CUL9: variants seen among roughly 807,000 people sequenced by gnomAD.
CUL9 encodes the protein cullin-9.
In CUL9, 79 loss-of-function variants were observed where a neutral mutation model predicts 272.6. The ratio of observed to expected loss-of-function variants is 0.29; its 90% CI spans 0.24 to 0.35. CUL9 has a LOEUF of 0.35. CUL9 is among the 10% of genes least tolerant of loss of function. The pLI, the probability that CUL9 is intolerant of heterozygous loss-of-function variation, is 1.00. For missense variants in CUL9, 2,532 were observed against 3,255.6 expected (o/e 0.78, Z 5.41); for synonymous variants, 1,186 against 1,286.5 (o/e 0.92, Z 1.67).
At chr6:43,207,085 C>T (rs1398928952) in intron 26 of CUL9, among the ~76,000 whole-genome samples, 3 of 152,096 alleles carry the variant, frequency 2.0e-5, no homozygotes, top group Non-Finnish European at 4.4e-5. Context: ...CTCAGGTGAT[C>T]CACCCGCCTC....
At chr6:43,207,681 T>C (rs1775156442) in intron 26 of CUL9, among the ~76,000 whole-genome samples, 1 of 152,188 alleles carries the variant, frequency 6.6e-6, no homozygotes, top group South Asian at 2.1e-4. Flanking sequence ...TTTCTTTGTT[T>C]AATTTTTTTT....
In CUL9 at chr6:43,196,877, G is replaced by A. The variant is rs762154904; in HGVS notation, c.2803+15G>A. On this transcript the variant is annotated intron_variant, in intron 11 of 40. Coordinates refer to ENST00000252050, the MANE Select transcript of CUL9 (RefSeq NM_015089.4). ...TGAGCGTGCAGGTACCATTGTGGAG[G>A]GGTGGTTTTGCAGAGGAATCACACA... 2 of 1,609,322 alleles carry A rather than the reference G, an allele frequency of 1.2e-6. No homozygotes were observed. The highest frequency in any genetic ancestry group is 4.5e-5 in the East Asian group (2 of 44,838).
intron 9 of CUL9, among the ~76,000 whole-genome samples, chr6:43,195,155 A>G (rs571271857): frequency 6.6e-6 from 1 of 152,304 alleles, no homozygotes; most frequent in Non-Finnish European, 1.5e-5. Flanking sequence ...TACAGGGAGA[A>G]AGCTTCATTG....
chr6:43,224,305 G>A lies in CUL9; in HGVS notation c.7414G>A (p.Asp2472Asn). 2.5e-6 allele frequency: 4 copies of A among 1,614,216 alleles called. No individual in the cohort carries two copies. The highest frequency in any genetic ancestry group is 3.4e-6 in the Non-Finnish European group (4 of 1,180,046). Residue 2472 changes from aspartate (D) to asparagine (N), a missense_variant, in exon 41 of 41, where the codon GAT (aspartate) becomes AAT (asparagine). Coordinates refer to ENST00000252050, the MANE Select transcript of CUL9 (RefSeq NM_015089.4). The surrounding 1 kb of genome is among the most constrained non-coding windows in gnomAD (Gnocchi z 4.2). ...AGAGGAGGAGGAAGACGATGAGGATGATGTGCCCGAGTGGCAGCAGGATGA... is the reference window on the plus strand; with the variant it reads ...AGAGGAGGAGGAAGACGATGAGGATAATGTGCCCGAGTGGCAGCAGGATGA... ...AEEEEEDDED[D>N]VPEWQQDEFD... is the part of the protein sequence containing the mutation.
At position 43,213,948 on chromosome 6, in the gene CUL9, AG is replaced by A. The variant is rs781218287; in HGVS notation, c.5688+39del. 4.1e-5 allele frequency: 66 copies of A among 1,606,668 alleles called. No individual in the cohort carries two copies. In the Middle Eastern group the frequency reaches 1.8e-3, roughly 44 times the overall value. On this transcript the variant is annotated intron_variant, in intron 29 of 40. Coordinates refer to ENST00000252050, the MANE Select transcript of CUL9 (RefSeq NM_015089.4). The surrounding 1 kb of genome is among the most constrained non-coding windows in gnomAD (Gnocchi z 5.7). ...AGGGGACCATGAAGTTGGCGGAGGG[AG>A]GGAGTCATGCTTGGGATTGGGGATG...
chr6:43,196,218 G>GCTC lies in CUL9; in HGVS notation c.2542_2544dup (p.Leu848dup), dbSNP rs768116183. ...CCACACGCCCGGGCTCTGAGAGCCT[G>GCTC]CTCCTCACTGTCCCTGCAGCCGTGA... is the stretch of plus-strand genomic sequence containing the variant. On this transcript the variant is annotated inframe_insertion, in exon 10 of 41. Transcript: ENST00000252050. 2.2e-5 allele frequency: 36 copies of GCTC among 1,614,010 alleles called. No homozygotes were observed. The highest frequency in any genetic ancestry group is 2.9e-5 in the Non-Finnish European group (34 of 1,180,054).
rs185589768 is a variant in CUL9, at chr6:43,197,056, T to C, written c.2803+194T>C. 1.2e-4 allele frequency among the ~76,000 whole-genome samples: 19 copies of C among 152,314 alleles called. No homozygotes were observed. In the East Asian group the frequency reaches 2.5e-3, roughly 20 times the overall value. On this transcript the variant is annotated intron_variant, in intron 11 of 40. Coordinates refer to ENST00000252050, the MANE Select transcript of CUL9 (RefSeq NM_015089.4). The stretch of plus-strand genomic sequence containing the variant: ...ATATGTGCAAGGAAATTGCATTTTT[T>C]TTTTTTTGAGATGGAGTTTTGCTCT...
chr6:43,221,185 A>G lies in CUL9; in HGVS notation c.6616A>G (p.Met2206Val). The change falls in exon 34 of 41, where the codon ATG becomes GTG. Residue 2206 changes from methionine (M) to valine (V), a missense_variant. Met to Val is a conservative substitution (Grantham distance 21). This residue lies in a region of CUL9 where 77 missense variants were observed against 161.1 expected (regional missense o/e 0.48). Coordinates refer to ENST00000252050, the MANE Select transcript of CUL9 (RefSeq NM_015089.4). The surrounding 1 kb of genome is among the most constrained non-coding windows in gnomAD (Gnocchi z 4.2). ...EAHYPASCGH[M>V]SQWVDDGGYY... ...ACACTACCCTGCTAGCTGTGGCCAT[A>G]TGTCTCAGTGGGTCGACGACGGTGG... 1.9e-6 allele frequency: 3 copies of G among 1,611,482 alleles called. No individual in the cohort carries two copies. Among genetic ancestry groups the G allele is most frequent in the Non-Finnish European group, 2.5e-6 (3 of 1,179,948 alleles).
At chr6:43,191,481 ATTTT>A (rs34090146) in intron 8 of CUL9, among the ~76,000 whole-genome samples, 4 of 97,448 alleles carry the variant, frequency 4.1e-5, no homozygotes, top group Admixed American at 1.1e-4. Flanking sequence ...CACCCAGCTA[ATTTT>A]TTTTTTTTTT....
chr6:43,212,267 G>A (rs1562051954), intron 26 of CUL9, among the ~76,000 whole-genome samples: 1 of 152,188 alleles, frequency 6.6e-6, no homozygotes, highest in Non-Finnish European at 1.5e-5. Context: ...ATGGATCAAT[G>A]GATTTCAGTG....
chr6:43,209,570 C>G (rs575298896), intron 26 of CUL9, among the ~76,000 whole-genome samples: 1 of 152,326 alleles, frequency 6.6e-6, no homozygotes, highest in South Asian at 2.1e-4. Context: ...CTCCTTTAAT[C>G]TGGAACAGTT....
chr6:43,203,434 G>C lies in CUL9; in HGVS notation c.3867G>C (p.Arg1289=). ...KRCQQGGIDT[R]VRGVEVLGPK... is the part of the protein sequence containing the mutation. Reference sequence around the variant, plus strand: ...TGTTCCAGGGCGGCATTGACACCCGGGTTCGGGGTGTGGAGGTCCTGGGCC... The same window carrying C: ...TGTTCCAGGGCGGCATTGACACCCGCGTTCGGGGTGTGGAGGTCCTGGGCC... The change falls in exon 19 of 41, where the codon CGG becomes CGC. Residue 1289 remains arginine, a synonymous_variant. Coordinates refer to ENST00000252050, the MANE Select transcript of CUL9 (RefSeq NM_015089.4). The surrounding 1 kb of genome is among the most constrained non-coding windows in gnomAD (Gnocchi z 5.0). 1 of 1,614,180 alleles carries C rather than the reference G, an allele frequency of 6.2e-7. No homozygotes were observed. Among genetic ancestry groups the C allele is most frequent in the South Asian group, 1.1e-5 (1 of 91,092 alleles).
Position 43,204,833 on chromosome 6 carries a change from C to G in CUL9, c.4425C>G (p.Cys1475Trp). Residue 1475 changes from cysteine (C) to tryptophan (W), a missense_variant, in exon 22 of 41, where the codon TGC (cysteine) becomes TGG (tryptophan). Transcript: ENST00000252050. ...PSSSLRNITQ[C>W]WLSVVQEQVS... is the part of the protein sequence containing the mutation. ...GCAGCCTGAGGAACATAACCCAGTG[C>G]TGGCTGAGCGTGGTGCAGGAGCAGG... The G allele has an allele frequency of 6.2e-7, 1 of 1,614,234 alleles. No homozygotes were observed. Among genetic ancestry groups the G allele is most frequent in the Non-Finnish European group, 8.5e-7 (1 of 1,180,038 alleles).
At position 43,213,533 on chromosome 6, in the gene CUL9, G is replaced by A. The variant is rs1775695880; in HGVS notation, c.5454G>A (p.Leu1818=). ...LVPLTSGNGP[L]TLHEGQDFPH... ...CCCTCACCTCAGGGAATGGCCCTTT[G>A]ACCCTGCATGAGGGCCAGGACTTTC... Residue 1818 remains leucine, a synonymous_variant, in exon 28 of 41, where the codon TTG becomes TTA. Coordinates refer to ENST00000252050, the MANE Select transcript of CUL9 (RefSeq NM_015089.4). The surrounding 1 kb of genome is among the most constrained non-coding windows in gnomAD (Gnocchi z 5.7). The A allele has an allele frequency of 1.2e-6, 2 of 1,612,420 alleles. No individual in the cohort carries two copies. The highest frequency in any genetic ancestry group is 1.7e-6 in the Non-Finnish European group (2 of 1,179,576).
In CUL9 at chr6:43,223,502, G is replaced by C; in HGVS notation, c.7284+105G>C. On this transcript the variant is annotated intron_variant, in intron 39 of 40. Transcript: ENST00000252050. This position sits in a 1 kb window ranked among gnomAD's most constrained non-coding sequence, Gnocchi z 4.1. ...TGGGGCGAGTCCAGAAGGAAAGGCA[G>C]CAAAGCGGGTGAATGGATGTTAGAC... 1 of 1,434,988 alleles carries C rather than the reference G, an allele frequency of 7.0e-7. No individual in the cohort carries two copies. Among genetic ancestry groups the C allele is most frequent in the Non-Finnish European group, 9.3e-7 (1 of 1,075,388 alleles). 88.9% of individuals were successfully genotyped at this position (1,434,988 alleles called of 1,614,324 possible).
intron 26 of CUL9, among the ~76,000 whole-genome samples, chr6:43,209,147 C>CTTTT (rs59098026): frequency 4.6e-5 from 6 of 131,036 alleles, no homozygotes; most frequent in East Asian, 2.2e-4. Context: ...TTCTTTCTTT[C>CTTTT]TTTTTTTTTT....
In CUL9 at chr6:43,200,602, T is replaced by G; in HGVS notation, c.3476-61T>G. The G allele has an allele frequency of 6.2e-7, 1 of 1,612,926 alleles. No individual in the cohort carries two copies. The highest frequency in any genetic ancestry group is 1.3e-5 in the African/African-American group (1 of 74,994). ...CCCTTCCCTTCCTGCTCCTTAGACC[T>G]TTTCCTTTTTCCTCTCAACTAACCT... On this transcript the variant is annotated intron_variant, in intron 15 of 40. Transcript: ENST00000252050. The surrounding 1 kb of genome is among the most constrained non-coding windows in gnomAD (Gnocchi z 4.0).
rs775101133 is a variant in CUL9 at position 43,224,417 on chromosome 6, A to T, written c.7526A>T (p.Glu2509Val). ...DQETFFFGDE[E>V]EDEDEAYD ...GAGACTTTCTTCTTTGGTGATGAGG[A>T]AGAGGATGAAGATGAGGCCTATGAC... Residue 2509 changes from glutamate (E) to valine (V), a missense_variant, in exon 41 of 41, where the codon GAA becomes GTA. Transcript: ENST00000252050. This position sits in a 1 kb window ranked among gnomAD's most constrained non-coding sequence, Gnocchi z 4.2. 6.2e-7 allele frequency: 1 copy of T among 1,613,848 alleles called. No individual in the cohort carries two copies. The highest frequency in any genetic ancestry group is 8.5e-7 in the Non-Finnish European group (1 of 1,180,008).
chr6:43,222,962 TC>T, intron 38 of CUL9, 66 bp downstream of exon 38: 1 of 1,380,410 alleles, frequency 7.2e-7, no homozygotes, highest in Non-Finnish European at 1.0e-6. Context: ...GCCCGGCCCC[TC>T]CCAGACAGGT....
Sources: allele counts gnomAD v4.1 joint callset (sites outside exome capture counted in the v4.1 genomes callset), GRCh38; gene constraint gnomAD v4.1.1; regional missense constraint gnomAD v4.1.1; non-coding constraint Gnocchi (gnomAD v3.1); transcripts MANE v1.5; gene names NCBI Gene and HGNC (gene_info 2026-07-23, HGNC 2026-07-21).